The following CPA6 variants were observed in gnomAD, a reference collection of about 807,000 sequenced individuals.
CPA6 encodes carboxypeptidase A6, also known as carboxypeptidase B.
Under a neutral mutation model 63.3 loss-of-function variants are expected in CPA6, and 58 were observed. That is an observed-to-expected ratio of 0.92 (90% CI 0.74 to 1.14). The LOEUF (loss-of-function observed/expected upper bound fraction) is 1.14, where lower values mean the gene tolerates loss of function less well. Ranked by LOEUF, CPA6 falls within the 50% of genes most tolerant of loss-of-function variation. The pLI, the probability that CPA6 is intolerant of heterozygous loss-of-function variation, is 0.00. For missense variants in CPA6, 565 were observed against 526.6 expected (o/e 1.07, Z -0.71); for synonymous variants, 185 against 179.0 (o/e 1.03, Z -0.27).
At chr8:67,584,094 G>A (rs1340852663) in intron 2 of CPA6, among the ~76,000 whole-genome samples, 2 of 152,148 alleles carry the variant, frequency 1.3e-5, no homozygotes, top group African/African-American at 4.8e-5. Flanking sequence ...AGAATCAGAC[G>A]TTGTAGTGAG....
At chr8:67,514,204 CG>C (rs1367573793) in intron 3 of CPA6, among the ~76,000 whole-genome samples, 1 of 152,086 alleles carries the variant, frequency 6.6e-6, no homozygotes, top group African/African-American at 2.4e-5. Context: ...CTAATCCACC[CG>C]CCTTAGCCTC....
At chr8:67,600,690 T>C (rs1239378502) in intron 2 of CPA6, among the ~76,000 whole-genome samples, 1 of 152,158 alleles carries the variant, frequency 6.6e-6, no homozygotes, top group Non-Finnish European at 1.5e-5. Flanking sequence ...TATCAAATGG[T>C]GTCTTGTGTT....
chr8:67,600,718 A>G (rs540143826), intron 2 of CPA6, among the ~76,000 whole-genome samples: 2 of 152,302 alleles, frequency 1.3e-5, no homozygotes, highest in East Asian at 3.9e-4. Context: ...TACAAGTGAG[A>G]GGCAGTGTTT....
At chr8:67,660,121 C>G (rs1816074382) in intron 1 of CPA6, among the ~76,000 whole-genome samples, 1 of 151,952 alleles carries the variant, frequency 6.6e-6, no homozygotes, top group African/African-American at 2.4e-5. Context: ...GTAAGGGAGG[C>G]AGTGTAGCAT....
At chr8:67,436,245 G>C (rs577966426) in intron 8 of CPA6, among the ~76,000 whole-genome samples, 1 of 152,124 alleles carries the variant, frequency 6.6e-6, no homozygotes, top group Non-Finnish European at 1.5e-5. Flanking sequence ...GAGGCAAGGC[G>C]AAGCCGATGT....
intron 1 of CPA6, among the ~76,000 whole-genome samples, chr8:67,669,015 A>G (rs1816289376): frequency 6.6e-6 from 1 of 152,228 alleles, no homozygotes; most frequent in Non-Finnish European, 1.5e-5. Flanking sequence ...TGAGTAAGGC[A>G]GGATCCATAG....
At chr8:67,710,408 C>CCT (rs1020532995) in intron 1 of CPA6, among the ~76,000 whole-genome samples, 1 of 149,304 alleles carries the variant, frequency 6.7e-6, no homozygotes, top group African/African-American at 2.5e-5. Context: ...CCCCCACCCC[C>CCT]CCCCAACCCC....
In CPA6 at chr8:67,559,346, C is replaced by T. The variant is rs910201042; in HGVS notation, c.193-41299G>A. Among the ~76,000 whole-genome samples, 9 of 152,062 alleles carry T rather than the reference C, an allele frequency of 5.9e-5. No individual in the cohort carries two copies. The South Asian group carries it at 1.9e-3, about 32-fold the overall frequency. On this transcript the variant is annotated intron_variant, in intron 2 of 10. Transcript: ENST00000297770. ...CTACCAATGAAAGCATTAATTACTC[C>T]TCCCCAACAAACACACACACACATA...
chr8:67,506,721 G>T, intron 6 of CPA6, 66 bp downstream of exon 6: 4 of 1,014,670 alleles, frequency 3.9e-6, no homozygotes, highest in South Asian at 2.6e-5. Flanking sequence ...ACTTTGTTAA[G>T]CAGAATAAAA....
At chr8:67,475,880 TCCTTTCTTTCTTTCTTTCTTTCTTTC>T (rs1811207078) in intron 8 of CPA6, among the ~76,000 whole-genome samples, 1 of 43,216 alleles carries the variant, frequency 2.3e-5, no homozygotes, top group African/African-American at 8.7e-5. Flanking sequence ...TCTTTCTTTC[TCCTTTCTTTCTTTCTTTCTTTCTTTC>T]TTTCTTTCTT....
At chr8:67,562,973 C>T (rs939670904) in intron 2 of CPA6, among the ~76,000 whole-genome samples, 4 of 152,164 alleles carry the variant, frequency 2.6e-5, no homozygotes, top group African/African-American at 9.7e-5. Flanking sequence ...TCTGTTTTCT[C>T]TGTATACGTT....
rs1201365921 is a variant in CPA6 at position 67,695,349 on chromosome 8, C to G, written c.116+50665G>C. Among the ~76,000 whole-genome samples the G allele has an allele frequency of 2.6e-5, 4 of 152,300 alleles. No homozygotes were observed. The East Asian group carries it at 5.8e-4, about 22-fold the overall frequency. On this transcript the variant is annotated intron_variant, in intron 1 of 10. Transcript: ENST00000297770. ...GCAGCAGAGACCAACACTGAGTCCC[C>G]AATATGGCATCATTCCCTAGGATGA...
intron 1 of CPA6, among the ~76,000 whole-genome samples, chr8:67,722,520 T>C (rs1817520781): frequency 6.6e-6 from 1 of 152,208 alleles, no homozygotes; most frequent in Non-Finnish European, 1.5e-5. Flanking sequence ...ACATATCCTA[T>C]ATGCTAAGTA....
At chr8:67,636,547 C>G (rs1219222692) in intron 1 of CPA6, among the ~76,000 whole-genome samples, 1 of 151,374 alleles carries the variant, frequency 6.6e-6, no homozygotes, top group Non-Finnish European at 1.5e-5. Flanking sequence ...TATTTACTCC[C>G]CAAGTCCCTC....
At chr8:67,461,371 G>C (rs925189017) in intron 8 of CPA6, among the ~76,000 whole-genome samples, 6 of 147,296 alleles carry the variant, frequency 4.1e-5, no homozygotes, top group African/African-American at 1.5e-4. Context: ...AGAGCACAGG[G>C]TTGGGGGTAA....
chr8:67,742,776 C>T (rs1010416969), intron 1 of CPA6, among the ~76,000 whole-genome samples: 11 of 152,142 alleles, frequency 7.2e-5, no homozygotes, highest in Non-Finnish European at 1.3e-4. Context: ...AGAGCAAAAA[C>T]TGAGACCCAG....
At chr8:67,463,849 T>G (rs1332300258) in intron 8 of CPA6, among the ~76,000 whole-genome samples, 1 of 152,252 alleles carries the variant, frequency 6.6e-6, no homozygotes, top group East Asian at 1.9e-4. Flanking sequence ...GCAAAGGACA[T>G]GATTTCATTC....
intron 8 of CPA6, among the ~76,000 whole-genome samples, chr8:67,479,972 T>A (rs1298687694): frequency 2.1e-5 from 3 of 144,102 alleles, no homozygotes; most frequent in Non-Finnish European, 4.6e-5. Context: ...CCGGCTCCAC[T>A]TTTTTTTTTT....
At chr8:67,566,851 A>C (rs1258235703) in intron 2 of CPA6, among the ~76,000 whole-genome samples, 2 of 152,220 alleles carry the variant, frequency 1.3e-5, no homozygotes, top group African/African-American at 2.4e-5. Context: ...CATGTACTGC[A>C]GATAATCAAA....
Sources: allele counts gnomAD v4.1 joint callset (sites outside exome capture counted in the v4.1 genomes callset), GRCh38; gene constraint gnomAD v4.1.1; transcripts MANE v1.5; gene names NCBI Gene and HGNC (gene_info 2026-07-23, HGNC 2026-07-21).